SH3RF3: variants seen among roughly 807,000 people sequenced by gnomAD.
The protein encoded by SH3RF3 is SH3 domain containing ring finger 3, also known as E3 ubiquitin-protein ligase SH3RF3.
A neutral mutation model predicts 66.3 loss-of-function variants in SH3RF3; 29 were observed. The observed-to-expected ratio is 0.44, with a 90% CI of 0.33 to 0.60. SH3RF3 has a LOEUF of 0.60. SH3RF3 is among the 20% of genes least tolerant of loss of function. SH3RF3 has a pLI of 0.04. For synonymous variants in SH3RF3, 583 were observed against 532.0 expected (o/e 1.10, Z -1.32); for missense variants, 1,194 against 1,190.9 (o/e 1.00, Z -0.04).
chr2:109,187,450 C>A (rs539253616), intron 1 of SH3RF3, among the ~76,000 whole-genome samples: 2 of 151,960 alleles, frequency 1.3e-5, no homozygotes, highest in African/African-American at 4.8e-5. Flanking sequence ...TGCATGAAGA[C>A]GTTGCTGTTG....
chr2:109,401,138 A>C (rs1383101904), intron 4 of SH3RF3, among the ~76,000 whole-genome samples: 2 of 152,198 alleles, frequency 1.3e-5, no homozygotes, highest in Non-Finnish European at 2.9e-5. Context: ...GCAGGTTGTC[A>C]TGGTGGTGCT....
intron 3 of SH3RF3, among the ~76,000 whole-genome samples, chr2:109,379,099 T>C (rs1683454595): frequency 6.6e-6 from 1 of 152,246 alleles, no homozygotes; most frequent in Non-Finnish European, 1.5e-5. Context: ...CCGCTCTTGG[T>C]GATTGCTGTC....
intron 2 of SH3RF3, among the ~76,000 whole-genome samples, chr2:109,349,393 C>G (rs1375544923): frequency 6.6e-6 from 1 of 152,184 alleles, no homozygotes; most frequent in Non-Finnish European, 1.5e-5. Flanking sequence ...CGGGAAACTG[C>G]ACTGGTGCCT....
intron 1 of SH3RF3, among the ~76,000 whole-genome samples, chr2:109,269,509 G>A (rs1680578858): frequency 6.6e-6 from 1 of 152,184 alleles, no homozygotes; most frequent in African/African-American, 2.4e-5. Flanking sequence ...AGCCAGGCGT[G>A]GTGGCTCATG....
At chr2:109,431,162 G>A (rs1454035713) in intron 5 of SH3RF3, among the ~76,000 whole-genome samples, 1 of 152,154 alleles carries the variant, frequency 6.6e-6, no homozygotes, top group Non-Finnish European at 1.5e-5. Flanking sequence ...CATCAGGAGG[G>A]TGCAATGGTG....
At chr2:109,428,721 A>T (rs935967805) in intron 5 of SH3RF3, among the ~76,000 whole-genome samples, 3 of 152,238 alleles carry the variant, frequency 2.0e-5, no homozygotes, top group Admixed American at 1.3e-4. Context: ...AACCTGTGAG[A>T]ATCCGCAGAG....
intron 1 of SH3RF3, among the ~76,000 whole-genome samples, chr2:109,283,594 A>G (rs1294111835): frequency 6.6e-6 from 1 of 152,196 alleles, no homozygotes; most frequent in Admixed American, 6.5e-5. Context: ...GCCCCTTCCT[A>G]AAAGCTGGGG....
At chr2:109,413,648 A>G (rs1400844841) in intron 4 of SH3RF3, among the ~76,000 whole-genome samples, 4 of 152,022 alleles carry the variant, frequency 2.6e-5, no homozygotes, top group Non-Finnish European at 4.4e-5. Flanking sequence ...TGGCCCCCAC[A>G]TTCCCCTCCC....
chr2:109,182,055 G>A lies in SH3RF3; in HGVS notation c.573+51942G>A, dbSNP rs145123945. On this transcript the variant is annotated intron_variant, in intron 1 of 9. Transcript: ENST00000309415. ...TCTATGTGATAAACATATGTATGCCGTAAACCTGAATAATTTTTGAAAAGT... is the reference window on the plus strand; with the variant it reads ...TCTATGTGATAAACATATGTATGCCATAAACCTGAATAATTTTTGAAAAGT... 3.9e-5 allele frequency among the ~76,000 whole-genome samples: 6 copies of A among 152,248 alleles called. No homozygotes were observed. In the East Asian group the frequency reaches 7.7e-4, roughly 20 times the overall value.
At chr2:109,313,272 C>T (rs1197529676) in intron 1 of SH3RF3, among the ~76,000 whole-genome samples, 1 of 152,222 alleles carries the variant, frequency 6.6e-6, no homozygotes, top group South Asian at 2.1e-4. Flanking sequence ...AAGGCCCAGG[C>T]CTTACCCCAA....
chr2:109,402,560 G>A (rs1676343991), intron 4 of SH3RF3, among the ~76,000 whole-genome samples: 1 of 152,252 alleles, frequency 6.6e-6, no homozygotes. Context: ...GCATGGGGCA[G>A]TGCTGGCCCC....
chr2:109,266,331 T>A (rs1165832973), intron 1 of SH3RF3, among the ~76,000 whole-genome samples: 1 of 151,326 alleles, frequency 6.6e-6, no homozygotes, highest in African/African-American at 2.4e-5. Context: ...GTGTGTGTGT[T>A]GTGTGTGTAT....
intron 1 of SH3RF3, among the ~76,000 whole-genome samples, chr2:109,299,246 CCT>C (rs1681399281): frequency 6.6e-6 from 1 of 152,244 alleles, no homozygotes; most frequent in South Asian, 2.1e-4. Flanking sequence ...CTCCAAAGGA[CCT>C]CTCACTCTTT....
In SH3RF3 at chr2:109,463,996, G is replaced by T. The variant is rs181475505; in HGVS notation, c.2148+14507G>T. ...ACCAGGAGAGGAAGGATAGACCCTCGCTCGGGAGGGTCCCCAATTCACAGA... is the reference window on the plus strand; with the variant it reads ...ACCAGGAGAGGAAGGATAGACCCTCTCTCGGGAGGGTCCCCAATTCACAGA... On this transcript the variant is annotated intron_variant, in intron 8 of 9. Coordinates refer to ENST00000309415, the MANE Select transcript of SH3RF3 (RefSeq NM_001099289.3). Among the ~76,000 whole-genome samples the T allele has an allele frequency of 3.6e-3, 551 of 152,228 alleles. 8 individuals carry two copies. The South Asian group carries it at 0.047, about 13-fold the overall frequency.
intron 1 of SH3RF3, among the ~76,000 whole-genome samples, chr2:109,325,817 A>T (rs544938318): frequency 1.3e-5 from 2 of 152,358 alleles, no homozygotes; most frequent in South Asian, 4.1e-4. Context: ...CAGGGCAAAG[A>T]TGCTGGCCCG....
In SH3RF3 at chr2:109,366,276, C is replaced by T. The variant is rs193133005; in HGVS notation, c.850-5310C>T. On this transcript the variant is annotated intron_variant, in intron 2 of 9. Coordinates refer to ENST00000309415, the MANE Select transcript of SH3RF3 (RefSeq NM_001099289.3). ...GGTTTGTATCTTACTTTGCTTTTTT[C>T]GTTTAAAAATAACTATCAAGTCCAC... Among the ~76,000 whole-genome samples, 563 of 151,974 alleles carry T rather than the reference C, an allele frequency of 3.7e-3. 3 individuals are homozygous for T. Among genetic ancestry groups the T allele is most frequent in the South Asian group, 0.013 (64 of 4,796 alleles).
intron 1 of SH3RF3, among the ~76,000 whole-genome samples, chr2:109,252,987 A>G (rs990506844): frequency 6.6e-6 from 1 of 151,972 alleles, no homozygotes; most frequent in African/African-American, 2.4e-5. Context: ...AAAATCCATC[A>G]GTTTAAATGT....
intron 1 of SH3RF3, among the ~76,000 whole-genome samples, chr2:109,330,420 C>G (rs1682257260): frequency 6.6e-6 from 1 of 151,940 alleles, no homozygotes; most frequent in Non-Finnish European, 1.5e-5. Flanking sequence ...GTTGATTATT[C>G]CTTAGTCATG....
chr2:109,251,028 G>A (rs1558982617), intron 1 of SH3RF3, among the ~76,000 whole-genome samples: 1 of 151,062 alleles, frequency 6.6e-6, no homozygotes, highest in Non-Finnish European at 1.5e-5. Context: ...TTGAGATTGA[G>A]TCTCACTCTG....
Sources: gnomAD v4.1 joint callset for allele counts (sites outside exome capture counted in the v4.1 genomes callset) on GRCh38, gnomAD v4.1.1 for gene constraint, MANE v1.5 for transcripts, NCBI Gene and HGNC (gene_info 2026-07-23, HGNC 2026-07-21) for gene names.